Variants in PACSIN2 observed in about 807,000 individuals in gnomAD.
The protein encoded by PACSIN2 is protein kinase C and casein kinase substrate in neurons protein 2.
PACSIN2 carries 25 observed loss-of-function variants against 63.8 expected under a neutral mutation model. The ratio of observed to expected loss-of-function variants is 0.39; its 90% CI spans 0.29 to 0.55. PACSIN2 has a LOEUF of 0.55. Among genes scored for constraint, PACSIN2 ranks in the 20% least tolerant of loss-of-function variants. The pLI is 0.62. For missense variants in PACSIN2, 518 were observed against 646.9 expected, an observed-to-expected ratio of 0.80 and a Z score of 2.16; for synonymous variants, 255 against 256.2, an observed-to-expected ratio of 1.00 and a Z score of 0.05.
intron 6 of PACSIN2, 92 bp downstream of exon 6, chr22:42,884,294 A>C: frequency 8.1e-7 from 1 of 1,238,356 alleles, no homozygotes; most frequent in South Asian, 1.4e-5. Flanking sequence ...TGAACGCGCC[A>C]TCCCAAACCT....
At chr22:42,926,534 C>A (rs966622410) in intron 1 of PACSIN2, among the ~76,000 whole-genome samples, 1 of 152,132 alleles carries the variant, frequency 6.6e-6, no homozygotes, top group Admixed American at 6.5e-5. Context: ...AGGAACTCCA[C>A]GAGGACACAG....
chr22:42,875,495 A>G (rs1352273519), intron 10 of PACSIN2, among the ~76,000 whole-genome samples: 1 of 151,744 alleles, frequency 6.6e-6, no homozygotes, highest in Non-Finnish European at 1.5e-5. Flanking sequence ...TCAGCCTCCC[A>G]GAGAGCTGGG....
intron 1 of PACSIN2, chr22:43,002,193 C>T (rs117959559): frequency 2.6e-5 from 4 of 152,310 alleles, no homozygotes; most frequent in Admixed American, 2.0e-4. Context: ...TAGAGATGAA[C>T]TCTAAAGGAC....
At chr22:42,961,313 G>A (rs541108909) in intron 1 of PACSIN2, among the ~76,000 whole-genome samples, 3 of 152,276 alleles carry the variant, frequency 2.0e-5, no homozygotes, top group South Asian at 2.1e-4. Flanking sequence ...CAAACACTGC[G>A]GAAGGCCGCA....
chr22:42,961,810 A>G (rs1394600406), intron 1 of PACSIN2, among the ~76,000 whole-genome samples: 1 of 152,158 alleles, frequency 6.6e-6, no homozygotes, highest in East Asian at 1.9e-4. Flanking sequence ...ATGGAAAAAT[A>G]CCAATAAAAG....
intron 1 of PACSIN2, among the ~76,000 whole-genome samples, chr22:43,014,445 C>T (rs1182764943): frequency 6.6e-6 from 1 of 151,566 alleles, no homozygotes; most frequent in Admixed American, 6.6e-5. Flanking sequence ...AATCAGCGCA[C>T]CCGCGTGTGT....
At chr22:42,880,685 T>A (rs927164104) in intron 7 of PACSIN2, 1 of 152,192 alleles carries the variant, frequency 6.6e-6, no homozygotes, top group African/African-American at 2.4e-5. Flanking sequence ...CCGTAACAGC[T>A]GCAAATGTGC....
In PACSIN2 at chr22:42,897,503, T is replaced by A. The variant is rs188204914; in HGVS notation, c.61-3890A>T. On this transcript the variant is annotated intron_variant, in intron 2 of 10. Coordinates refer to ENST00000263246, the MANE Select transcript of PACSIN2 (RefSeq NM_001184970.3). ...TAAGCATGCTTTCTTCCAAACATATTAATTGCTTCATTCACAAAATCCTCA... is the reference window on the plus strand; with the variant it reads ...TAAGCATGCTTTCTTCCAAACATATAAATTGCTTCATTCACAAAATCCTCA... 5.3e-3 allele frequency among the ~76,000 whole-genome samples: 814 copies of A among 152,344 alleles called. 8 individuals are homozygous for A. Among genetic ancestry groups the A allele is most frequent in the African/African-American group, 0.019 (793 of 41,576 alleles).
Position 42,871,164 on chromosome 22 carries a change from A to T in PACSIN2, c.*193T>A. ...TTGTTCTGCGTCTTCCTGCGCTCAG[A>T]TCCCTCCAGCTGCACTCGGAAAGGT... On this transcript the variant is annotated 3_prime_UTR_variant, in exon 11 of 11. Transcript: ENST00000263246. This position sits in a 1 kb window ranked among gnomAD's most constrained non-coding sequence, Gnocchi z 5.4. 3 of 605,318 alleles carry T rather than the reference A, an allele frequency of 5.0e-6. No homozygotes were observed. Among genetic ancestry groups the T allele is most frequent in the Admixed American group, 5.5e-5 (2 of 36,514 alleles). The allele number at this position is 605,318 out of a possible 1,614,324, so 37.5% of individuals were successfully genotyped here. A position where few individuals can be genotyped will look rare whatever the true frequency, so the allele number is the denominator to read the frequency against.
chr22:42,940,325 G>A (rs1933095569), intron 1 of PACSIN2, among the ~76,000 whole-genome samples: 1 of 152,146 alleles, frequency 6.6e-6, no homozygotes, highest in Non-Finnish European at 1.5e-5. Flanking sequence ...TCATTAGATC[G>A]TGACCTTATA....
intron 1 of PACSIN2, among the ~76,000 whole-genome samples, chr22:42,975,761 T>C (rs985375695): frequency 6.6e-6 from 1 of 152,150 alleles, no homozygotes; most frequent in South Asian, 2.1e-4. Context: ...AGTGGTTTAG[T>C]TCTCCAGCTA....
At chr22:42,877,647 C>T (rs1928746044) in intron 8 of PACSIN2, among the ~76,000 whole-genome samples, 1 of 152,188 alleles carries the variant, frequency 6.6e-6, no homozygotes, top group African/African-American at 2.4e-5. Flanking sequence ...TTTGCCAGGC[C>T]CAGTGTGGGA....
intron 1 of PACSIN2, among the ~76,000 whole-genome samples, chr22:42,943,006 G>T (rs1345698627): frequency 6.6e-6 from 1 of 152,180 alleles, no homozygotes; most frequent in Non-Finnish European, 1.5e-5. Context: ...TGAACTATGT[G>T]AAGTCTTCCA....
intron 1 of PACSIN2, among the ~76,000 whole-genome samples, chr22:42,969,433 C>T (rs556049202): frequency 6.6e-6 from 1 of 152,288 alleles, no homozygotes; most frequent in East Asian, 1.9e-4. Context: ...CTGTTATTAG[C>T]AGTACCACTT....
At chr22:42,983,710 C>T (rs933796201) in intron 1 of PACSIN2, among the ~76,000 whole-genome samples, 3 of 152,188 alleles carry the variant, frequency 2.0e-5, no homozygotes, top group African/African-American at 7.2e-5. Flanking sequence ...CATCCTCCCA[C>T]CTCAGCCTCC....
At chr22:42,962,577 G>A (rs575167350) in intron 1 of PACSIN2, among the ~76,000 whole-genome samples, 1 of 151,540 alleles carries the variant, frequency 6.6e-6, no homozygotes, top group African/African-American at 2.4e-5. Context: ...GGTGGGGGGT[G>A]GAGGGTGAGG....
In PACSIN2 at chr22:42,882,235, C is replaced by G. The variant is rs774829389; in HGVS notation, c.855G>C (p.Trp285Cys). The change falls in exon 7 of 11, where the codon TGG becomes TGC. Residue 285 changes from tryptophan (W) to cysteine (C), a missense_variant. This residue lies in a region of PACSIN2 where 507 missense variants were observed against 612.3 expected (regional missense o/e 0.83). Transcript: ENST00000263246. Reference protein sequence around the residue: ...RAADAVEDLRWFRANHGPGMA... With the variant: ...RAADAVEDLRCFRANHGPGMA... ...TGCCCGGCCCGTGATTGGCTCGGAA[C>G]CACCTCAGGTCCTCCACTGCATCAG... 16 of 1,614,026 alleles carry G rather than the reference C, an allele frequency of 9.9e-6. No homozygotes were observed. The South Asian group carries it at 1.6e-4, about 17-fold the overall frequency.
chr22:42,885,288 C>A (rs1352417093), intron 5 of PACSIN2, among the ~76,000 whole-genome samples: 1 of 152,196 alleles, frequency 6.6e-6, no homozygotes, highest in Non-Finnish European at 1.5e-5. Flanking sequence ...CTGGTACACA[C>A]TTCCCCGCAC....
chr22:42,985,462 C>T (rs1276091635), intron 1 of PACSIN2, among the ~76,000 whole-genome samples: 4 of 152,346 alleles, frequency 2.6e-5, no homozygotes, highest in East Asian at 3.9e-4. Flanking sequence ...CGTTGTGGCC[C>T]CCCACTGGCC....
Sources: allele counts gnomAD v4.1 joint callset (sites outside exome capture counted in the v4.1 genomes callset), GRCh38; gene constraint gnomAD v4.1.1; regional missense constraint gnomAD v4.1.1; non-coding constraint Gnocchi (gnomAD v3.1); transcripts MANE v1.5; gene names NCBI Gene and HGNC (gene_info 2026-07-23, HGNC 2026-07-21).